Variants in LIPI observed in about 807,000 individuals in gnomAD.
The protein encoded by LIPI is lipase I.
A neutral mutation model predicts 50.6 loss-of-function variants in LIPI; 59 were observed. That is an observed-to-expected ratio of 1.16 (90% CI 0.94 to 1.45). The LOEUF (loss-of-function observed/expected upper bound fraction) is 1.45. Ranked by LOEUF, LIPI falls within the 40% of genes most tolerant of loss-of-function variation. The pLI is 0.00. For synonymous variants in LIPI, 203 were observed against 178.2 expected, an observed-to-expected ratio of 1.14 and a Z score of -1.11; for missense variants, 586 against 536.3, an observed-to-expected ratio of 1.09 and a Z score of -0.92.
At chr21:14,209,069 G>A (rs561738646) in intron 1 of LIPI, among the ~76,000 whole-genome samples, 4 of 152,052 alleles carry the variant, frequency 2.6e-5, no homozygotes, top group Non-Finnish European at 5.9e-5. Context: ...AAGAATTTCT[G>A]ACCCTTGCAA....
At chr21:14,181,904 G>A in intron 3 of LIPI, 45 bp from the exon 4 acceptor site, 1 of 1,026,468 alleles carries the variant, frequency 9.7e-7, no homozygotes, top group Non-Finnish European at 1.5e-6. Context: ...AGTCCACAGA[G>A]CTCCTTACAT....
chr21:14,194,280 A>G (rs1182890930), intron 1 of LIPI, among the ~76,000 whole-genome samples: 1 of 152,178 alleles, frequency 6.6e-6, no homozygotes, highest in African/African-American at 2.4e-5. Context: ...CTACCATATT[A>G]TCCAGCAATT....
intron 7 of LIPI, among the ~76,000 whole-genome samples, chr21:14,153,617 T>G (rs995261397): frequency 6.6e-6 from 1 of 151,926 alleles, no homozygotes; most frequent in African/African-American, 2.4e-5. Context: ...AAAGAGAAAT[T>G]AAAGCCAAGG....
At chr21:14,197,725 A>G (rs2019910879) in intron 1 of LIPI, among the ~76,000 whole-genome samples, 1 of 152,266 alleles carries the variant, frequency 6.6e-6, no homozygotes, top group East Asian at 1.9e-4. Flanking sequence ...AAATTTCCCC[A>G]ACCTACCGGA....
At chr21:14,184,190 A>C (rs2019373678) in intron 3 of LIPI, among the ~76,000 whole-genome samples, 1 of 152,144 alleles carries the variant, frequency 6.6e-6, no homozygotes. Flanking sequence ...CATGAATGAA[A>C]CTGGAAACCA....
At chr21:14,184,815 C>A (rs1307762275) in intron 3 of LIPI, among the ~76,000 whole-genome samples, 1 of 152,236 alleles carries the variant, frequency 6.6e-6, no homozygotes, top group Non-Finnish European at 1.5e-5. Flanking sequence ...CCTGGCTAAA[C>A]TGCTATTTCT....
chr21:14,147,808 A>G (rs553081381), intron 8 of LIPI, among the ~76,000 whole-genome samples: 19 of 152,202 alleles, frequency 1.2e-4, no homozygotes, highest in African/African-American at 4.6e-4. Context: ...CAAACACACA[A>G]CATGTCTATT....
At chr21:14,153,626 G>A (rs74854019) in intron 7 of LIPI, among the ~76,000 whole-genome samples, 4,649 of 152,220 alleles carry the variant, frequency 0.031, 220 homozygotes, top group African/African-American at 0.11. Flanking sequence ...TTAAAGCCAA[G>A]GCCAGAAGAA....
intron 4 of LIPI, among the ~76,000 whole-genome samples, chr21:14,173,816 G>A (rs111663456): frequency 0.04 from 5,991 of 150,644 alleles, 142 homozygotes; most frequent in African/African-American, 0.058. Context: ...GAAAGACAAA[G>A]GACAATGTAG....
At position 14,189,321 on chromosome 21, in the gene LIPI, T is replaced by C. The variant is rs186159170; in HGVS notation, c.145A>G (p.Thr49Ala). 1 of 1,613,486 alleles carries C rather than the reference T, an allele frequency of 6.2e-7. No homozygotes were observed. The highest frequency in any genetic ancestry group is 8.5e-7 in the Non-Finnish European group (1 of 1,179,422). ...TCAGCACAGTTTAGGTTGTTCCTTG[T>C]ATACATCATCAGAATGGTCTCTATT... ...PRIETILMMY[T>A]RNNLNCAEPL... The change falls in exon 2 of 10, where the codon ACA becomes GCA. Residue 49 changes from threonine to alanine, a missense_variant. Thr to Ala is a moderately conservative substitution (Grantham distance 58). Transcript: ENST00000681601.
intron 1 of LIPI, among the ~76,000 whole-genome samples, chr21:14,201,637 C>A (rs980141231): frequency 3.3e-5 from 5 of 151,996 alleles, no homozygotes; most frequent in African/African-American, 4.8e-5. Flanking sequence ...ATTCAACAAC[C>A]CTTCATGCTA....
intron 9 of LIPI, among the ~76,000 whole-genome samples, chr21:14,125,428 GA>G (rs2017022138): frequency 6.6e-6 from 1 of 152,162 alleles, no homozygotes; most frequent in South Asian, 2.1e-4. Context: ...ACTGACAAAA[GA>G]GATAAAATTT....
At chr21:14,132,049 A>AAAG (rs905041571) in intron 9 of LIPI, among the ~76,000 whole-genome samples, 1 of 152,196 alleles carries the variant, frequency 6.6e-6, no homozygotes, top group African/African-American at 2.4e-5. Flanking sequence ...ACAAAAAAAC[A>AAAG]AAGCCTTTAA....
chr21:14,188,567 CA>C (rs577516831), intron 2 of LIPI, among the ~76,000 whole-genome samples: 4,053 of 65,850 alleles, frequency 0.062, 36 homozygotes, highest in African/African-American at 0.13. Context: ...GAACCTGTCT[CA>C]AAAAAAAAAA....
At chr21:14,204,282 C>CT (rs1478273233) in intron 1 of LIPI, among the ~76,000 whole-genome samples, 2 of 148,210 alleles carry the variant, frequency 1.3e-5, no homozygotes, top group Admixed American at 6.8e-5. Context: ...GCAAATTAGT[C>CT]TTTTTTTTAA....
chr21:14,177,369 C>T (rs1275393992), intron 4 of LIPI, among the ~76,000 whole-genome samples: 2 of 151,614 alleles, frequency 1.3e-5, no homozygotes, highest in Non-Finnish European at 3.0e-5. Context: ...TGGATTTTTT[C>T]TTTTTAATCA....
At chr21:14,135,315 T>G (rs55938121) in intron 9 of LIPI, among the ~76,000 whole-genome samples, 48,620 of 151,720 alleles carry the variant, frequency 0.32, 7,857 homozygotes, top group East Asian at 0.45. Flanking sequence ...AACAAGTATC[T>G]ACACGGAAAA....
intron 4 of LIPI, among the ~76,000 whole-genome samples, chr21:14,170,618 T>C (rs1213917713): frequency 6.6e-6 from 1 of 152,168 alleles, no homozygotes; most frequent in Non-Finnish European, 1.5e-5. Flanking sequence ...AAAAACCACA[T>C]GATTATCTCA....
intron 9 of LIPI, among the ~76,000 whole-genome samples, chr21:14,141,929 T>C (rs1044258152): frequency 1.3e-4 from 20 of 152,314 alleles, no homozygotes; most frequent in Non-Finnish European, 2.4e-4. Context: ...CTGGATAATA[T>C]AAATTCTTTA....
Sources: gnomAD v4.1 joint callset for allele counts (sites outside exome capture counted in the v4.1 genomes callset) on GRCh38, gnomAD v4.1.1 for gene constraint, MANE v1.5 for transcripts, NCBI Gene and HGNC (gene_info 2026-07-23, HGNC 2026-07-21) for gene names.